The following EPHA6 variants were observed in gnomAD, a reference collection of about 807,000 sequenced individuals.
The protein encoded by EPHA6 is EPH receptor A6, also known as ephrin type-A receptor 6.
EPHA6 carries 50 observed loss-of-function variants against 112.0 expected under a neutral mutation model. The ratio of observed to expected loss-of-function variants is 0.45; its 90% CI spans 0.36 to 0.56. EPHA6 has a LOEUF of 0.56. Ranked by LOEUF, EPHA6 falls within the 20% of genes least tolerant of loss-of-function variation. EPHA6 has a pLI of 0.00. For missense variants in EPHA6, 1,280 were observed against 1,417.4 expected, an observed-to-expected ratio of 0.90 and a Z score of 1.56; for synonymous variants, 529 against 490.7, an observed-to-expected ratio of 1.08 and a Z score of -1.03.
intron 10 of EPHA6, among the ~76,000 whole-genome samples, chr3:97,522,010 A>T (rs530438234): frequency 9.2e-5 from 14 of 151,866 alleles, no homozygotes; most frequent in Admixed American, 8.5e-4. Flanking sequence ...TGCAGCCTCA[A>T]ACTCCTGGGC....
chr3:97,208,224 A>T (rs1218034316), intron 3 of EPHA6, among the ~76,000 whole-genome samples: 1 of 152,194 alleles, frequency 6.6e-6, no homozygotes, highest in Non-Finnish European at 1.5e-5. Flanking sequence ...ACTGGATAGA[A>T]GATGCTATTC....
At chr3:97,628,137 A>G (rs529333168) in intron 13 of EPHA6, among the ~76,000 whole-genome samples, 14 of 152,092 alleles carry the variant, frequency 9.2e-5, no homozygotes, top group African/African-American at 2.6e-4. Flanking sequence ...AGATGCAGGG[A>G]AATTAGGAGG....
At chr3:97,529,094 C>T (rs2092664973) in intron 10 of EPHA6, among the ~76,000 whole-genome samples, 1 of 152,066 alleles carries the variant, frequency 6.6e-6, no homozygotes, top group Admixed American at 6.6e-5. Flanking sequence ...GGTTTGAAGA[C>T]ACCATTGCTA....
intron 3 of EPHA6, among the ~76,000 whole-genome samples, chr3:97,098,975 G>T (rs1340359771): frequency 2.0e-5 from 3 of 151,904 alleles, no homozygotes; most frequent in East Asian, 3.9e-4. Context: ...GAGATTCTAT[G>T]CAATTAAGCA....
intron 10 of EPHA6, among the ~76,000 whole-genome samples, chr3:97,495,457 T>C (rs2091951352): frequency 6.6e-6 from 1 of 151,914 alleles, no homozygotes; most frequent in African/African-American, 2.4e-5. Flanking sequence ...TTCTAGTATA[T>C]ATAGAATATA....
intron 2 of EPHA6, among the ~76,000 whole-genome samples, chr3:96,893,832 T>C (rs2038114481): frequency 6.6e-6 from 1 of 152,236 alleles, no homozygotes; most frequent in East Asian, 1.9e-4. Flanking sequence ...AATTTACTGC[T>C]AGCTCTGGGT....
chr3:97,212,822 G>C (rs1434756196), intron 3 of EPHA6, among the ~76,000 whole-genome samples: 2 of 152,078 alleles, frequency 1.3e-5, no homozygotes, highest in Non-Finnish European at 2.9e-5. Context: ...ATTCATTTCA[G>C]GATATTCAGG....
chr3:97,691,780 A>G (rs1032423825), intron 14 of EPHA6, among the ~76,000 whole-genome samples: 9 of 152,252 alleles, frequency 5.9e-5, no homozygotes, highest in Admixed American at 5.9e-4. Context: ...TGATGTAAAC[A>G]TGATTAAGTT....
At chr3:97,693,786 T>G (rs1027796619) in intron 14 of EPHA6, among the ~76,000 whole-genome samples, 2 of 152,032 alleles carry the variant, frequency 1.3e-5, no homozygotes, top group African/African-American at 4.8e-5. Context: ...CCAGCCTGGG[T>G]GACAGAGCGA....
At chr3:97,379,080 G>A (rs80187241) in intron 5 of EPHA6, among the ~76,000 whole-genome samples, 10,802 of 152,230 alleles carry the variant, frequency 0.071, 534 homozygotes, top group African/African-American at 0.14. Flanking sequence ...GCCACATATT[G>A]TGGAGGGACC....
intron 13 of EPHA6, among the ~76,000 whole-genome samples, chr3:97,620,658 G>A (rs541592940): frequency 6.6e-6 from 1 of 152,008 alleles, no homozygotes; most frequent in East Asian, 1.9e-4. Context: ...AGAAGTATAT[G>A]AAAAAACTCA....
At chr3:97,066,956 T>C (rs1402290823) in intron 3 of EPHA6, among the ~76,000 whole-genome samples, 1 of 152,122 alleles carries the variant, frequency 6.6e-6, no homozygotes, top group Non-Finnish European at 1.5e-5. Context: ...GGACTCCTAG[T>C]TGAACAATTT....
At chr3:96,993,063 C>T (rs2043274810) in intron 3 of EPHA6, among the ~76,000 whole-genome samples, 1 of 152,134 alleles carries the variant, frequency 6.6e-6, no homozygotes, top group Non-Finnish European at 1.5e-5. Context: ...TGCTCTGTTT[C>T]TTCTCATTTC....
At position 97,099,142 on chromosome 3, in the gene EPHA6, T is replaced by C. The variant is rs76169887; in HGVS notation, c.1114+111149T>C. Among the ~76,000 whole-genome samples the C allele has an allele frequency of 1.7e-4, 26 of 152,060 alleles. No individual in the cohort carries two copies. In the East Asian group the frequency reaches 4.8e-3, roughly 28 times the overall value. On this transcript the variant is annotated intron_variant, in intron 3 of 17. Coordinates refer to ENST00000389672, the MANE Select transcript of EPHA6 (RefSeq NM_001080448.3). ...AGTAATTATTCCAGTGAATTGAAGC[T>C]GAAAGTCAACATGTATATTTATTAA... is the stretch of plus-strand genomic sequence containing the variant.
chr3:97,088,222 AG>A (rs966861562), intron 3 of EPHA6, among the ~76,000 whole-genome samples: 4 of 152,076 alleles, frequency 2.6e-5, no homozygotes, highest in African/African-American at 9.7e-5. Context: ...AAACATGTTA[AG>A]GGGGGTTAAA....
chr3:97,169,879 T>TA (rs2076644991), intron 3 of EPHA6, among the ~76,000 whole-genome samples: 2 of 152,026 alleles, frequency 1.3e-5, no homozygotes, highest in African/African-American at 4.8e-5. Flanking sequence ...AAGGAGGCTA[T>TA]AAAAAAGCCA....
At chr3:96,890,089 T>C (rs772410555) in intron 2 of EPHA6, among the ~76,000 whole-genome samples, 1 of 151,450 alleles carries the variant, frequency 6.6e-6, no homozygotes, top group African/African-American at 2.4e-5. Flanking sequence ...GAGTTTTGAA[T>C]GGTAGATATT....
At chr3:97,040,839 T>C (rs573103561) in intron 3 of EPHA6, among the ~76,000 whole-genome samples, 2 of 152,100 alleles carry the variant, frequency 1.3e-5, no homozygotes, top group Non-Finnish European at 2.9e-5. Flanking sequence ...TTCAAAATTT[T>C]ACATATCAGT....
intron 5 of EPHA6, among the ~76,000 whole-genome samples, chr3:97,318,340 A>G (rs2081943141): frequency 6.6e-6 from 1 of 152,068 alleles, no homozygotes; most frequent in Non-Finnish European, 1.5e-5. Context: ...GCAATGTAAA[A>G]GCAGAGATCC....
Sources: gnomAD v4.1 joint callset for allele counts (sites outside exome capture counted in the v4.1 genomes callset) on GRCh38, gnomAD v4.1.1 for gene constraint, MANE v1.5 for transcripts, NCBI Gene and HGNC (gene_info 2026-07-23, HGNC 2026-07-21) for gene names.